Variants in CPS1 observed in about 807,000 individuals in gnomAD.
CPS1 encodes the protein carbamoyl-phosphate synthase [ammonia], mitochondrial.
In CPS1, 109 loss-of-function variants were observed where a neutral mutation model predicts 174.6. That is an observed-to-expected ratio of 0.62 (90% confidence interval 0.53 to 0.73). The LOEUF (loss-of-function observed/expected upper bound fraction) is 0.73, where lower values mean the gene tolerates loss of function less well. CPS1 is among the 30% of genes least tolerant of loss of function. The probability of loss-of-function intolerance (pLI) is 0.00; values close to 1 mark genes in which losing one functional copy is unlikely to be tolerated. For synonymous variants in CPS1, 637 were observed against 632.0 expected, an observed-to-expected ratio of 1.01 and a Z score of -0.12; for missense variants, 1,689 against 1,821.9, an observed-to-expected ratio of 0.93 and a Z score of 1.33.
At chr2:210,516,885 TTCATCTCTTTACCACA>T (rs1695698791) in intron 1 of CPS1, among the ~76,000 whole-genome samples, 1 of 152,034 alleles carries the variant, frequency 6.6e-6, no homozygotes, top group African/African-American at 2.4e-5. Flanking sequence ...ATTTTTCCAA[TTCATCTCTTTACCACA>T]TCTATGATAT....
intron 1 of CPS1, among the ~76,000 whole-genome samples, chr2:210,531,898 C>G (rs189001400): frequency 1.3e-5 from 2 of 152,116 alleles, no homozygotes; most frequent in Admixed American, 1.3e-4. Context: ...CAGTTTTTTT[C>G]TATTATTTGT....
At chr2:210,501,160 G>T (rs746619683) in intron 1 of CPS1, among the ~76,000 whole-genome samples, 1 of 152,086 alleles carries the variant, frequency 6.6e-6, no homozygotes, top group Non-Finnish European at 1.5e-5. Context: ...CACATCGGGG[G>T]GCCCTGGACC....
chr2:210,573,501 T>C (rs909393763), intron 2 of CPS1, 94 bp downstream of exon 2: 15 of 955,174 alleles, frequency 1.6e-5, no homozygotes, highest in Middle Eastern at 4.4e-4. Context: ...CACTGCATCG[T>C]AGTAAGACTA....
At chr2:210,591,580 C>CTT (rs1304514253) in intron 9 of CPS1, among the ~76,000 whole-genome samples, 2 of 152,028 alleles carry the variant, frequency 1.3e-5, no homozygotes, top group African/African-American at 4.8e-5. Context: ...CAATGCCCCC[C>CTT]TTTCTAAAAC....
chr2:210,604,439 A>G (rs1376393000), intron 16 of CPS1, among the ~76,000 whole-genome samples: 1 of 151,858 alleles, frequency 6.6e-6, no homozygotes, highest in Non-Finnish European at 1.5e-5. Flanking sequence ...TATTCTACCC[A>G]TTGTGGGTGT....
upstream of CPS1, among the ~76,000 whole-genome samples, chr2:210,554,804 C>T (rs1038859245): frequency 2.0e-5 from 3 of 148,536 alleles, no homozygotes; most frequent in East Asian, 2.0e-4. Flanking sequence ...GAGTTTATAT[C>T]GTTTTCTTAA....
intron 32 of CPS1, among the ~76,000 whole-genome samples, chr2:210,660,883 A>G (rs1700897297): frequency 1.3e-5 from 2 of 152,252 alleles, no homozygotes; most frequent in Non-Finnish European, 2.9e-5. Context: ...TATAACTTCA[A>G]AATCAATTAG....
intron 1 of CPS1, among the ~76,000 whole-genome samples, chr2:210,482,660 G>C (rs576031798): frequency 1.1e-5 from 1 of 93,908 alleles, no homozygotes; most frequent in East Asian, 2.7e-4. Flanking sequence ...ATGCTGGTGA[G>C]AGAGAGAGAG....
chr2:210,634,854 C>T (rs1466549556), intron 21 of CPS1, among the ~76,000 whole-genome samples: 1 of 152,212 alleles, frequency 6.6e-6, no homozygotes. Flanking sequence ...GTTTCCCATA[C>T]GTGCCATGTC....
chr2:210,490,055 A>G (rs1489245830), intron 1 of CPS1, among the ~76,000 whole-genome samples: 1 of 146,590 alleles, frequency 6.8e-6, no homozygotes, highest in Non-Finnish European at 1.5e-5. Flanking sequence ...AAAGGAAGAA[A>G]GGATGGAAGG....
intron 31 of CPS1, 36 bp from the exon 32 acceptor site, chr2:210,660,449 A>C (rs184641245): frequency 1.2e-6 from 2 of 1,600,388 alleles, no homozygotes; most frequent in African/African-American, 2.7e-5. Flanking sequence ...CTGGCTCTCA[A>C]TGTCCTCTTT....
chr2:210,582,523 T>A, intron 5 of CPS1, 94 bp from the exon 6 acceptor site: 5 of 878,172 alleles, frequency 5.7e-6, no homozygotes, highest in Non-Finnish European at 9.8e-6. Context: ...GACATCTAAG[T>A]CTTGCAGCAG....
chr2:210,555,070 T>A (rs974986608), upstream of CPS1, among the ~76,000 whole-genome samples: 1 of 152,076 alleles, frequency 6.6e-6, no homozygotes, highest in Non-Finnish European at 1.5e-5. Context: ...ATGAATACTA[T>A]TTATGGATGA....
rs189047170 is a variant in CPS1 at position 210,588,998 on chromosome 2, A to G, written c.711+851A>G. Among the ~76,000 whole-genome samples, 277 of 152,144 alleles carry G rather than the reference A, an allele frequency of 1.8e-3. 1 individual carries two copies. The highest frequency in any genetic ancestry group is 6.4e-3 in the African/African-American group (267 of 41,558). ...GCAAATATCTATATCTCTTTGCCTG[A>G]TGGCTGGAGCCTACTGGCAGGCAGT... On this transcript the variant is annotated intron_variant, in intron 7 of 37. Coordinates refer to ENST00000233072, the MANE Select transcript of CPS1 (RefSeq NM_001875.5).
At chr2:210,590,622 T>A (rs1037797034) in intron 8 of CPS1, among the ~76,000 whole-genome samples, 178 bp from the exon 9 acceptor site, 3 of 152,190 alleles carry the variant, frequency 2.0e-5, no homozygotes, top group Admixed American at 2.0e-4. Flanking sequence ...GTAAAGTACA[T>A]CTTAATGAAT....
chr2:210,576,323 A>G, intron 2 of CPS1, 23 bp from the exon 3 acceptor site: 3 of 1,613,004 alleles, frequency 1.9e-6, no homozygotes, highest in Admixed American at 1.7e-5. Flanking sequence ...ATTTGCTGAT[A>G]ATTTTTTGGC....
At chr2:210,526,980 G>A (rs1235045158) in intron 1 of CPS1, among the ~76,000 whole-genome samples, 13 of 151,902 alleles carry the variant, frequency 8.6e-5, no homozygotes, top group Admixed American at 6.6e-4. Context: ...GAAATATTAC[G>A]TTGGTGCAAA....
chr2:210,561,195 A>G (rs1391321013), intron 1 of CPS1, among the ~76,000 whole-genome samples: 1 of 152,190 alleles, frequency 6.6e-6, no homozygotes, highest in Admixed American at 6.6e-5. Context: ...TAAATGTCCT[A>G]GACTAGGTTA....
chr2:210,544,539 G>T (rs1696513559), intron 1 of CPS1, among the ~76,000 whole-genome samples: 1 of 151,854 alleles, frequency 6.6e-6, no homozygotes, highest in South Asian at 2.1e-4. Flanking sequence ...TCCTAATTCT[G>T]CTTGTTGCTG....
Sources: allele counts gnomAD v4.1 joint callset (sites outside exome capture counted in the v4.1 genomes callset), GRCh38; gene constraint gnomAD v4.1.1; transcripts MANE v1.5; gene names NCBI Gene and HGNC (gene_info 2026-07-23, HGNC 2026-07-21).